Variants in HECW1 observed in about 807,000 individuals in gnomAD.
HECW1 encodes E3 ubiquitin-protein ligase HECW1.
HECW1 carries 61 observed loss-of-function variants against 182.3 expected under a neutral mutation model. The observed-to-expected ratio is 0.33, with a 90% confidence interval of 0.27 to 0.41. The LOEUF is 0.41. Among genes scored for constraint, HECW1 ranks in the 10% least tolerant of loss-of-function variants. The pLI is 1.00. For synonymous variants in HECW1, 859 were observed against 832.6 expected (o/e 1.03, Z -0.55); for missense variants, 1,739 against 2,108.9 (o/e 0.82, Z 3.44).
chr7:43,311,562 T>C (rs776759996), intron 3 of HECW1: 3 of 752,944 alleles, frequency 4.0e-6, no homozygotes, highest in Non-Finnish European at 7.3e-6. Flanking sequence ...CACTTGTGTT[T>C]TTGTTCTTGC....
intron 5 of HECW1, among the ~76,000 whole-genome samples, chr7:43,322,657 T>C (rs1399143220): frequency 2.0e-5 from 3 of 152,192 alleles, no homozygotes; most frequent in Admixed American, 2.0e-4. Context: ...ATGGGCTTAT[T>C]TGGGGTGTAA....
chr7:43,242,650 C>T (rs1028451420), intron 2 of HECW1, among the ~76,000 whole-genome samples: 2 of 152,152 alleles, frequency 1.3e-5, no homozygotes, highest in Non-Finnish European at 2.9e-5. Flanking sequence ...GCGATGTTCA[C>T]ATGGTAACTA....
chr7:43,196,184 G>A (rs1317034778), intron 2 of HECW1, among the ~76,000 whole-genome samples: 2 of 152,192 alleles, frequency 1.3e-5, no homozygotes, highest in Non-Finnish European at 2.9e-5. Context: ...TATAGTGGGT[G>A]AAATCCCTCC....
At chr7:43,406,453 A>G (rs1488840340) in intron 7 of HECW1, among the ~76,000 whole-genome samples, 7 of 152,236 alleles carry the variant, frequency 4.6e-5, no homozygotes, top group Non-Finnish European at 8.8e-5. Flanking sequence ...ATAAGTGCAT[A>G]TGAAAACAAC....
chr7:43,508,811 A>C, intron 23 of HECW1, 158 bp from the exon 24 acceptor site: 2 of 692,472 alleles, frequency 2.9e-6, no homozygotes, highest in Admixed American at 2.4e-5. Context: ...TTCTACAGCA[A>C]ATTGATGCTG....
Position 43,407,675 on chromosome 7 carries a change from C to T in HECW1, c.745C>T (p.Gln249Ter). ...CTTCCCCGCCCTCCCTCACCATGGA[C>T]AGGAGAGGAGATCCAAGATCATAGG... ...SIFPALPHHG[Q>*]ERRSKIIGNT... Residue 249 changes from glutamine to a stop codon, truncating the protein, a stop_gained, in exon 8 of 30, where the codon CAG (glutamine) becomes TAG (stop). Transcript: ENST00000395891. LOFTEE classifies it high-confidence loss of function. 1.2e-6 allele frequency: 2 copies of T among 1,613,806 alleles called. No individual in the cohort carries two copies. Among genetic ancestry groups the T allele is most frequent in the Non-Finnish European group, 1.7e-6 (2 of 1,179,788 alleles).
intron 2 of HECW1, among the ~76,000 whole-genome samples, chr7:43,193,159 T>A (rs1221364892): frequency 1.3e-5 from 2 of 152,200 alleles, no homozygotes; most frequent in East Asian, 3.9e-4. Flanking sequence ...TCTTTTAGCA[T>A]GCTAATGCAT....
At chr7:43,149,897 A>C (rs961803743) in intron 2 of HECW1, among the ~76,000 whole-genome samples, 2 of 152,196 alleles carry the variant, frequency 1.3e-5, no homozygotes, top group Non-Finnish European at 2.9e-5. Flanking sequence ...TCATCAAAAA[A>C]AGTAAAACTC....
intron 2 of HECW1, among the ~76,000 whole-genome samples, chr7:43,165,418 G>T (rs1791005165): frequency 6.6e-6 from 1 of 151,570 alleles, no homozygotes; most frequent in Admixed American, 6.6e-5. Context: ...GTTTGTGTGT[G>T]TGCACACAGG....
At chr7:43,221,622 C>T (rs1055533441) in intron 2 of HECW1, among the ~76,000 whole-genome samples, 2 of 121,060 alleles carry the variant, frequency 1.7e-5, no homozygotes, top group Non-Finnish European at 3.2e-5. Context: ...GGCGCTATCT[C>T]GGCTTACTGC....
Position 43,407,668 on chromosome 7 carries a change from C to T in HECW1, c.738C>T (p.His246=), listed in dbSNP as rs749035053. The change falls in exon 8 of 30, where the codon CAC becomes CAT. Residue 246 remains histidine (H), a synonymous_variant. Coordinates refer to ENST00000395891, the MANE Select transcript of HECW1 (RefSeq NM_015052.5). ...GKHSIFPALP[H]HGQERRSKII... is the part of the protein sequence containing the mutation. ...ACAGCATCTTCCCCGCCCTCCCTCA[C>T]CATGGACAGGAGAGGAGATCCAAGA... 7.4e-6 allele frequency: 12 copies of T among 1,614,082 alleles called. No homozygotes were observed. The South Asian group carries it at 1.2e-4, about 16-fold the overall frequency.
chr7:43,538,819 A>G (rs1457650982), intron 24 of HECW1, among the ~76,000 whole-genome samples: 1 of 152,210 alleles, frequency 6.6e-6, no homozygotes, highest in Non-Finnish European at 1.5e-5. Flanking sequence ...CCAATTTTTC[A>G]TTTATAATTA....
At chr7:43,420,187 G>A (rs970586894) in intron 8 of HECW1, among the ~76,000 whole-genome samples, 14 of 152,164 alleles carry the variant, frequency 9.2e-5, no homozygotes, top group African/African-American at 3.1e-4. Flanking sequence ...CAGATATTTA[G>A]GAATGTTAGC....
chr7:43,222,602 C>G (rs2152703759), intron 2 of HECW1, among the ~76,000 whole-genome samples: 1 of 152,272 alleles, frequency 6.6e-6, no homozygotes, highest in East Asian at 1.9e-4. Context: ...TCTAAAGATA[C>G]TGTTCTTCTT....
At chr7:43,338,774 T>C (rs1422343603) in intron 5 of HECW1, among the ~76,000 whole-genome samples, 5 of 152,152 alleles carry the variant, frequency 3.3e-5, no homozygotes, top group African/African-American at 1.2e-4. Flanking sequence ...GTTCTGTTTC[T>C]CTTCATCCTT....
chr7:43,184,425 T>C (rs146900846), intron 2 of HECW1, among the ~76,000 whole-genome samples: 1 of 152,348 alleles, frequency 6.6e-6, no homozygotes, highest in Non-Finnish European at 1.5e-5. Flanking sequence ...TGTGATACTA[T>C]GAAATATGTA....
intron 5 of HECW1, 137 bp downstream of exon 5, chr7:43,320,879 C>A: frequency 1.4e-6 from 1 of 693,358 alleles, no homozygotes; most frequent in South Asian, 1.7e-5. Flanking sequence ...TAAAGAGATC[C>A]TTAAAAAGAT....
chr7:43,132,991 T>A (rs1177817972), intron 2 of HECW1, among the ~76,000 whole-genome samples: 1 of 152,182 alleles, frequency 6.6e-6, no homozygotes, highest in East Asian at 1.9e-4. Flanking sequence ...GAAAGAAGGA[T>A]GATTCTATTT....
intron 16 of HECW1, among the ~76,000 whole-genome samples, chr7:43,478,759 T>C (rs2152906384): frequency 6.6e-6 from 1 of 152,244 alleles, no homozygotes; most frequent in African/African-American, 2.4e-5. Context: ...TAAAGTTTTT[T>C]CTCAGTGAAA....
Sources: allele counts gnomAD v4.1 joint callset (sites outside exome capture counted in the v4.1 genomes callset), GRCh38; gene constraint gnomAD v4.1.1; transcripts MANE v1.5; gene names NCBI Gene and HGNC (gene_info 2026-07-23, HGNC 2026-07-21).